The following ESRRG variants were observed in gnomAD, a reference collection of about 807,000 sequenced individuals.
ESRRG encodes estrogen related receptor gamma.
ESRRG carries 13 observed loss-of-function variants against 44.0 expected under a neutral mutation model. The observed-to-expected ratio is 0.30, with a 90% CI of 0.19 to 0.47. The LOEUF is 0.47. Among genes scored for constraint, ESRRG ranks in the 20% least tolerant of loss-of-function variants. The pLI is 1.00. For missense variants in ESRRG, 395 were observed against 580.6 expected, an observed-to-expected ratio of 0.68 and a Z score of 3.29; for synonymous variants, 215 against 214.6, an observed-to-expected ratio of 1.00 and a Z score of -0.02.
At chr1:216,766,269 T>C (rs2093070598) in intron 2 of ESRRG, among the ~76,000 whole-genome samples, 1 of 152,090 alleles carries the variant, frequency 6.6e-6, no homozygotes. Context: ...GCATTGGATA[T>C]TTGAATTTAT....
chr1:216,558,971 G>A (rs1282643420), intron 5 of ESRRG, among the ~76,000 whole-genome samples: 5 of 152,036 alleles, frequency 3.3e-5, no homozygotes, highest in Non-Finnish European at 5.9e-5. Flanking sequence ...CTGGGTTCAA[G>A]TGATTCTCCT....
intron 1 of ESRRG, among the ~76,000 whole-genome samples, chr1:216,714,024 C>T (rs898723717): frequency 2.0e-5 from 3 of 152,166 alleles, no homozygotes; most frequent in Admixed American, 2.0e-4. Context: ...TATTTACACA[C>T]AATCAAACAT....
intron 1 of ESRRG, among the ~76,000 whole-genome samples, chr1:216,992,712 C>A (rs936826650): frequency 1.3e-5 from 2 of 152,106 alleles, no homozygotes; most frequent in African/African-American, 4.8e-5. Context: ...TTGAAGCAAA[C>A]CAAACTCCCT....
chr1:216,977,567 G>A (rs1302774233), intron 1 of ESRRG, among the ~76,000 whole-genome samples: 11 of 152,102 alleles, frequency 7.2e-5, no homozygotes, highest in African/African-American at 2.4e-4. Flanking sequence ...TAAGTACAGG[G>A]CCAAGTTTCC....
upstream of ESRRG, among the ~76,000 whole-genome samples, chr1:217,090,827 G>T (rs1011712054): frequency 1.6e-4 from 24 of 152,128 alleles, no homozygotes; most frequent in African/African-American, 5.8e-4. Flanking sequence ...TTAATACAAA[G>T]ATGTTATTGC....
chr1:217,076,850 A>G (rs1473543150), intron 1 of ESRRG: 1 of 152,206 alleles, frequency 6.6e-6, no homozygotes, highest in Non-Finnish European at 1.5e-5. Flanking sequence ...AAAGGTACTT[A>G]CCAGTGAAAA....
At chr1:216,620,590 C>T (rs1414280513) in intron 3 of ESRRG, among the ~76,000 whole-genome samples, 14 of 152,168 alleles carry the variant, frequency 9.2e-5, no homozygotes. Flanking sequence ...GAGTCATTGA[C>T]TAATATAAGC....
At position 216,515,775 on chromosome 1, in the gene ESRRG, C is replaced by T. The variant is rs1239924101; in HGVS notation, c.1132+3377G>A. On this transcript the variant is annotated intron_variant, in intron 6 of 6. Transcript: ENST00000408911. ...AGTGGCAGATTTAGAGATTGAAGTT[C>T]TTATGACTCGAGCAACAGAGAATTG... 2.0e-5 allele frequency among the ~76,000 whole-genome samples: 3 copies of T among 152,022 alleles called. No homozygotes were observed. In the East Asian group the frequency reaches 5.8e-4, roughly 29 times the overall value.
chr1:216,838,239 C>G (rs2095598658), intron 2 of ESRRG, among the ~76,000 whole-genome samples: 1 of 152,160 alleles, frequency 6.6e-6, no homozygotes, highest in African/African-American at 2.4e-5. Context: ...CATACATTCT[C>G]AATATCAAGT....
intron 1 of ESRRG, among the ~76,000 whole-genome samples, chr1:217,122,894 A>G (rs1280640484): frequency 6.6e-6 from 1 of 151,698 alleles, no homozygotes; most frequent in Non-Finnish European, 1.5e-5. Context: ...CATGTTGGTC[A>G]GGCTGGTCTC....
intron 2 of ESRRG, among the ~76,000 whole-genome samples, chr1:216,794,623 T>TC (rs569093640): frequency 6.6e-6 from 1 of 152,182 alleles, no homozygotes; most frequent in Non-Finnish European, 1.5e-5. Context: ...TTCTTTTTTT[T>TC]CCCACTGACT....
At chr1:216,856,500 G>A (rs1448765754) in intron 2 of ESRRG, among the ~76,000 whole-genome samples, 1 of 152,054 alleles carries the variant, frequency 6.6e-6, no homozygotes, top group African/African-American at 2.4e-5. Context: ...AAGTGTCTGG[G>A]TTCAAGCAAC....
rs536649920 is a variant in ESRRG, at chr1:216,743,125, T to C, written c.-13-65634A>G. 3.3e-5 allele frequency among the ~76,000 whole-genome samples: 5 copies of C among 152,340 alleles called. No homozygotes were observed. In the East Asian group the frequency reaches 9.6e-4, roughly 29 times the overall value. On this transcript the variant is annotated intron_variant, in intron 2 of 7. Coordinates refer to the ESRRG transcript ENST00000359162. ...TTATTAGAGACCAATGGAATGAGGCTGCTAGCTGTACTACAGGTCCTCTGT... is the reference window on the plus strand; with the variant it reads ...TTATTAGAGACCAATGGAATGAGGCCGCTAGCTGTACTACAGGTCCTCTGT...
At chr1:216,958,036 GCACCA>G (rs71163780) in intron 1 of ESRRG, among the ~76,000 whole-genome samples, 105,755 of 151,750 alleles carry the variant, frequency 0.7, 38,736 homozygotes, top group Middle Eastern at 0.83. Context: ...CGTATAGTAC[GCACCA>G]CCATGTGTCC....
chr1:216,651,212 C>G (rs1007852587), intron 2 of ESRRG, 123 bp from the exon 3 acceptor site: 4 of 683,646 alleles, frequency 5.9e-6, no homozygotes, highest in Middle Eastern at 3.4e-4. Context: ...ACATGAGACT[C>G]AAGAGAAATG....
chr1:217,026,343 A>G (rs1425148403), intron 1 of ESRRG, among the ~76,000 whole-genome samples: 2 of 152,258 alleles, frequency 1.3e-5, no homozygotes, highest in African/African-American at 2.4e-5. Context: ...TAAACTTAGC[A>G]GAGAATCAGA....
intron 3 of ESRRG, among the ~76,000 whole-genome samples, chr1:216,596,875 T>C (rs899920752): frequency 6.6e-6 from 1 of 152,158 alleles, no homozygotes; most frequent in African/African-American, 2.4e-5. Flanking sequence ...ATTCCTAGTG[T>C]TAAATGTATT....
intron 1 of ESRRG, among the ~76,000 whole-genome samples, chr1:217,069,302 T>G (rs1319031687): frequency 6.6e-6 from 1 of 152,206 alleles, no homozygotes; most frequent in East Asian, 1.9e-4. Flanking sequence ...CTGGCTATCC[T>G]TGCTCCTCAG....
At chr1:216,868,133 G>A (rs2096201779) in intron 2 of ESRRG, among the ~76,000 whole-genome samples, 1 of 133,716 alleles carries the variant, frequency 7.5e-6, no homozygotes, top group South Asian at 2.4e-4. Context: ...TATTGCCCAG[G>A]CTGGAGTGGA....
Sources: allele counts gnomAD v4.1 joint callset (sites outside exome capture counted in the v4.1 genomes callset), GRCh38; gene constraint gnomAD v4.1.1; transcripts MANE v1.5; gene names NCBI Gene and HGNC (gene_info 2026-07-23, HGNC 2026-07-21).